AUTS2: variants seen among roughly 807,000 people sequenced by gnomAD.
AUTS2 encodes the protein activator of transcription and developmental regulator AUTS2, also known as autism susceptibility gene 2 protein.
A neutral mutation model predicts 112.4 loss-of-function variants in AUTS2; 17 were observed. The observed-to-expected ratio is 0.15, with a 90% CI of 0.10 to 0.23. The LOEUF (loss-of-function observed/expected upper bound fraction) is 0.23. Among genes scored for constraint, AUTS2 ranks in the 10% least tolerant of loss-of-function variants. The pLI, the probability that AUTS2 is intolerant of heterozygous loss-of-function variation, is 1.00. For synonymous variants in AUTS2, 751 were observed against 702.7 expected (o/e 1.07, Z -1.09); for missense variants, 1,510 against 1,701.6 (o/e 0.89, Z 1.98).
intron 4 of AUTS2, among the ~76,000 whole-genome samples, chr7:70,151,510 G>T (rs745332773): frequency 6.6e-6 from 1 of 152,130 alleles, no homozygotes; most frequent in Non-Finnish European, 1.5e-5. Context: ...TTTCATTCTT[G>T]TTGCCCAAGC....
chr7:70,439,160 G>A (rs1252734587), intron 5 of AUTS2, among the ~76,000 whole-genome samples: 1 of 152,178 alleles, frequency 6.6e-6, no homozygotes, highest in Non-Finnish European at 1.5e-5. Flanking sequence ...ATGAGACACT[G>A]AGCAAAGTAT....
chr7:70,267,183 CA>C (rs962386602), intron 4 of AUTS2, among the ~76,000 whole-genome samples: 17 of 152,106 alleles, frequency 1.1e-4, no homozygotes, highest in African/African-American at 4.1e-4. Context: ...TATGCTGTAG[CA>C]AATTGCATTA....
At chr7:70,642,397 C>T (rs965500436) in intron 5 of AUTS2, among the ~76,000 whole-genome samples, 7 of 138,002 alleles carry the variant, frequency 5.1e-5, no homozygotes, top group Admixed American at 1.5e-4. Flanking sequence ...TTCTATCCTT[C>T]GTGCACAGAT....
At chr7:70,258,148 C>T (rs565326081) in intron 4 of AUTS2, among the ~76,000 whole-genome samples, 1 of 152,328 alleles carries the variant, frequency 6.6e-6, no homozygotes, top group South Asian at 2.1e-4. Flanking sequence ...GTGTTGTCAG[C>T]ACAGGTTACT....
intron 2 of AUTS2, among the ~76,000 whole-genome samples, chr7:70,095,990 C>CT (rs1057414039): frequency 9.9e-5 from 15 of 152,128 alleles, no homozygotes; most frequent in African/African-American, 3.6e-4. Context: ...ATTGTATCTA[C>CT]TAAGGATATT....
intron 2 of AUTS2, among the ~76,000 whole-genome samples, chr7:69,920,014 G>A (rs1795745442): frequency 7.1e-6 from 1 of 140,954 alleles, no homozygotes; most frequent in Admixed American, 7.5e-5. Flanking sequence ...ACAATTTTTT[G>A]CAGTTGCCTT....
At chr7:69,655,070 C>A (rs1795461957) in intron 1 of AUTS2, among the ~76,000 whole-genome samples, 1 of 152,178 alleles carries the variant, frequency 6.6e-6, no homozygotes, top group Non-Finnish European at 1.5e-5. Flanking sequence ...AGGCACTCTT[C>A]AGCACCAGCA....
At chr7:70,381,034 G>T (rs1156701081) in intron 4 of AUTS2, among the ~76,000 whole-genome samples, 2 of 152,154 alleles carry the variant, frequency 1.3e-5, no homozygotes, top group Non-Finnish European at 2.9e-5. Flanking sequence ...TTTCATTTAA[G>T]TTAAAAATAT....
intron 5 of AUTS2, among the ~76,000 whole-genome samples, chr7:70,453,844 T>C (rs1192931420): frequency 6.6e-6 from 1 of 152,208 alleles, no homozygotes; most frequent in Non-Finnish European, 1.5e-5. Context: ...TCTTAATTAG[T>C]CCTATCTGCA....
intron 1 of AUTS2, among the ~76,000 whole-genome samples, chr7:69,649,964 T>A (rs938467640): frequency 1.3e-5 from 2 of 152,212 alleles, no homozygotes; most frequent in African/African-American, 4.8e-5. Context: ...TCTGCCCTTT[T>A]CCTTCCCCAC....
At chr7:70,024,589 TTC>T (rs1442873792) in intron 2 of AUTS2, among the ~76,000 whole-genome samples, 3 of 152,344 alleles carry the variant, frequency 2.0e-5, no homozygotes, top group South Asian at 4.1e-4. Context: ...GTGTGTTTTT[TTC>T]TCTTTCTGTA....
chr7:70,587,547 C>G (rs1159678298), intron 5 of AUTS2, among the ~76,000 whole-genome samples: 2 of 152,208 alleles, frequency 1.3e-5, no homozygotes, highest in Non-Finnish European at 1.5e-5. Flanking sequence ...CACAGGTGAT[C>G]TGTATACAGC....
intron 6 of AUTS2, among the ~76,000 whole-genome samples, chr7:70,734,071 T>C (rs76869759): frequency 0.021 from 3,213 of 152,182 alleles, 146 homozygotes; most frequent in African/African-American, 0.071. Flanking sequence ...GCAAGGGCCT[T>C]GATTCTCATA....
intron 5 of AUTS2, among the ~76,000 whole-genome samples, chr7:70,606,112 T>G (rs2129531413): frequency 6.6e-6 from 1 of 152,344 alleles, no homozygotes; most frequent in Non-Finnish European, 1.5e-5. Context: ...AGTTGAATAT[T>G]TCAAGAATGA....
chr7:70,673,129 G>T (rs1175014681), intron 5 of AUTS2, among the ~76,000 whole-genome samples: 1 of 152,166 alleles, frequency 6.6e-6, no homozygotes, highest in Admixed American at 6.5e-5. Flanking sequence ...TTACAGTGAG[G>T]AGTATAACCA....
At chr7:70,115,949 T>C (rs928448723) in intron 2 of AUTS2, among the ~76,000 whole-genome samples, 12 of 151,878 alleles carry the variant, frequency 7.9e-5, no homozygotes, top group Admixed American at 3.3e-4. Flanking sequence ...GGGAATATGG[T>C]GTGAAAAAAA....
intron 2 of AUTS2, among the ~76,000 whole-genome samples, chr7:70,015,428 A>G (rs1017796922): frequency 5.3e-5 from 8 of 152,250 alleles, no homozygotes; most frequent in Non-Finnish European, 1.2e-4. Flanking sequence ...CAGCCATTAA[A>G]TGACTGAGCT....
intron 5 of AUTS2, among the ~76,000 whole-genome samples, chr7:70,618,728 G>C (rs1352798473): frequency 3.3e-5 from 5 of 152,038 alleles, no homozygotes; most frequent in Middle Eastern, 3.2e-3. Context: ...CAGACAGAGA[G>C]AGAGAAAGAG....
At chr7:70,255,769 T>A (rs1786835603) in intron 4 of AUTS2, among the ~76,000 whole-genome samples, 1 of 152,212 alleles carries the variant, frequency 6.6e-6, no homozygotes, top group African/African-American at 2.4e-5. Context: ...TACTAAATCA[T>A]GTCTATCAAA....
Sources: gnomAD v4.1 joint callset for allele counts (sites outside exome capture counted in the v4.1 genomes callset) on GRCh38, gnomAD v4.1.1 for gene constraint, MANE v1.5 for transcripts, NCBI Gene and HGNC (gene_info 2026-07-23, HGNC 2026-07-21) for gene names.